The following ANO3 variants were observed in gnomAD, a reference collection of about 807,000 sequenced individuals.
ANO3 encodes the protein anoctamin-3.
ANO3 carries 99 observed loss-of-function variants against 144.8 expected under a neutral mutation model. That is an observed-to-expected ratio of 0.68 (90% CI 0.58 to 0.81). The LOEUF is 0.81. ANO3 is among the 30% of genes least tolerant of loss of function. The pLI, the probability that ANO3 is intolerant of heterozygous loss-of-function variation, is 0.00. For synonymous variants in ANO3, 414 were observed against 392.6 expected (o/e 1.05, Z -0.64); for missense variants, 905 against 1,202.2 (o/e 0.75, Z 3.66).
chr11:26,304,882 C>T (rs1854338649), upstream of ANO3, among the ~76,000 whole-genome samples: 1 of 152,000 alleles, frequency 6.6e-6, no homozygotes, highest in South Asian at 2.1e-4. Context: ...TAAATTTCTA[C>T]CAAATTGCTC....
chr11:26,397,580 A>C (rs1001175962), intron 1 of ANO3, among the ~76,000 whole-genome samples: 3 of 151,992 alleles, frequency 2.0e-5, no homozygotes, highest in Non-Finnish European at 4.4e-5. Flanking sequence ...ATTGACACAT[A>C]ATAATTGTAA....
intron 10 of ANO3, among the ~76,000 whole-genome samples, chr11:26,538,420 G>T (rs367336): frequency 0.71 from 108,143 of 152,018 alleles, 38,764 homozygotes; most frequent in East Asian, 0.84. Flanking sequence ...CAGGCCTTGT[G>T]CATGTATTTT....
At chr11:26,631,600 A>T (rs1442500075) in intron 18 of ANO3, among the ~76,000 whole-genome samples, 2 of 152,160 alleles carry the variant, frequency 1.3e-5, no homozygotes, top group Non-Finnish European at 2.9e-5. Context: ...ATCCAGCTAG[A>T]TGATAATGAA....
intron 14 of ANO3, chr11:26,572,239 G>A (rs1032136553): frequency 3.5e-5 from 34 of 985,262 alleles, no homozygotes; most frequent in Non-Finnish European, 4.1e-5. Context: ...GAACCTGACT[G>A]ACCTGCTTCT....
chr11:26,436,354 A>C (rs572705341), intron 1 of ANO3, among the ~76,000 whole-genome samples: 1 of 152,344 alleles, frequency 6.6e-6, no homozygotes. Flanking sequence ...GGGTGGACCC[A>C]GTGAGGAGAT....
intron 6 of ANO3, among the ~76,000 whole-genome samples, chr11:26,519,988 T>C (rs1468248275): frequency 2.0e-5 from 3 of 151,372 alleles, no homozygotes; most frequent in African/African-American, 7.3e-5. Context: ...TAAAAAAAAA[T>C]GGAAGTCAGA....
chr11:26,327,187 C>T (rs368292468), upstream of ANO3, among the ~76,000 whole-genome samples: 147 of 152,284 alleles, frequency 9.7e-4, no homozygotes, highest in African/African-American at 2.6e-3. Context: ...ATTTGCTCAG[C>T]TTTTATGTGT....
At chr11:26,650,780 G>A (rs944353323) in intron 24 of ANO3, among the ~76,000 whole-genome samples, 5 of 152,118 alleles carry the variant, frequency 3.3e-5, no homozygotes, top group African/African-American at 1.2e-4. Context: ...GAATGCCAAA[G>A]CGTAATGGTC....
chr11:26,509,184 A>G (rs1861554633), intron 5 of ANO3, among the ~76,000 whole-genome samples: 1 of 151,854 alleles, frequency 6.6e-6, no homozygotes, highest in African/African-American at 2.4e-5. Context: ...TTGCCATTAC[A>G]TTTAGAACCA....
At chr11:26,226,322 G>GAA (rs527553260) in intron 1 of ANO3, among the ~76,000 whole-genome samples, 8 of 146,370 alleles carry the variant, frequency 5.5e-5, no homozygotes, top group Admixed American at 2.7e-4. Flanking sequence ...ACTAAATTCT[G>GAA]AAAAAAAAAA....
chr11:26,390,569 C>T lies in ANO3; in HGVS notation c.47-51349C>T, dbSNP rs544176059. On this transcript the variant is annotated intron_variant, in intron 1 of 26. Transcript: ENST00000256737. ...ACACTAGAGCATCAGAGTACCATCC[C>T]AGTTTATCTGAGAGATGAAGCCATT... 3.3e-5 allele frequency among the ~76,000 whole-genome samples: 5 copies of T among 152,142 alleles called. No homozygotes were observed. In the South Asian group the frequency reaches 1.0e-3, roughly 32 times the overall value.
chr11:26,541,561 T>A (rs1410392763), intron 10 of ANO3, among the ~76,000 whole-genome samples: 1 of 152,156 alleles, frequency 6.6e-6, no homozygotes, highest in East Asian at 1.9e-4. Flanking sequence ...TTCCTGGAAC[T>A]GCATCACTTC....
At chr11:26,402,187 G>T (rs1453488767) in intron 1 of ANO3, among the ~76,000 whole-genome samples, 1 of 151,804 alleles carries the variant, frequency 6.6e-6, no homozygotes, top group African/African-American at 2.4e-5. Flanking sequence ...GGTCCAATGG[G>T]ATTTGTCTTT....
intron 1 of ANO3, among the ~76,000 whole-genome samples, chr11:26,248,191 A>C (rs1466744640): frequency 2.6e-5 from 4 of 151,952 alleles, no homozygotes; most frequent in Non-Finnish European, 5.9e-5. Context: ...TACAAAAATT[A>C]ACCAGGTGTG....
At chr11:26,280,802 A>G (rs1429360198) in intron 1 of ANO3, among the ~76,000 whole-genome samples, 1 of 152,206 alleles carries the variant, frequency 6.6e-6, no homozygotes, top group Admixed American at 6.5e-5. Context: ...CCTGTCTCCC[A>G]GGAATGGTGC....
intron 1 of ANO3, among the ~76,000 whole-genome samples, chr11:26,429,682 G>T (rs2134008410): frequency 6.6e-6 from 1 of 152,260 alleles, no homozygotes; most frequent in Non-Finnish European, 1.5e-5. Context: ...GAATTAGAAA[G>T]AAAGGTTGCA....
At chr11:26,435,856 T>C (rs1858276561) in intron 1 of ANO3, among the ~76,000 whole-genome samples, 1 of 152,228 alleles carries the variant, frequency 6.6e-6, no homozygotes, top group Admixed American at 6.5e-5. Context: ...TGATGATCTT[T>C]GTTCTTGTTC....
At chr11:26,338,841 G>A (rs1855269592) in intron 1 of ANO3, among the ~76,000 whole-genome samples, 2 of 151,066 alleles carry the variant, frequency 1.3e-5, no homozygotes, top group Non-Finnish European at 2.9e-5. Context: ...ACATCTGAAG[G>A]AACAAACTCC....
chr11:26,385,229 T>C (rs1590315339), intron 1 of ANO3, among the ~76,000 whole-genome samples: 1 of 152,214 alleles, frequency 6.6e-6, no homozygotes, highest in South Asian at 2.1e-4. Context: ...GGAGCTATGT[T>C]TCTCACTGTT....
Sources: allele counts gnomAD v4.1 joint callset (sites outside exome capture counted in the v4.1 genomes callset), GRCh38; gene constraint gnomAD v4.1.1; transcripts MANE v1.5; gene names NCBI Gene and HGNC (gene_info 2026-07-23, HGNC 2026-07-21).